RAB7A: variants seen among roughly 807,000 people sequenced by gnomAD.
RAB7A encodes the protein ras-related protein Rab-7a.
RAB7A carries 2 observed loss-of-function variants against 24.5 expected under a neutral mutation model. The ratio of observed to expected loss-of-function variants is 0.08; its 90% CI spans 0.03 to 0.26. The LOEUF (loss-of-function observed/expected upper bound fraction) is 0.26, where lower values mean the gene tolerates loss of function less well. RAB7A is among the 10% of genes least tolerant of loss of function. RAB7A has a pLI of 1.00. For synonymous variants in RAB7A, 100 were observed against 95.9 expected, an observed-to-expected ratio of 1.04 and a Z score of -0.25; for missense variants, 118 against 255.7, an observed-to-expected ratio of 0.46 and a Z score of 3.67.
intron 1 of RAB7A, chr3:128,764,705 A>G (rs994785947): frequency 6.2e-6 from 5 of 808,622 alleles, no homozygotes; most frequent in Non-Finnish European, 1.1e-5. Context: ...TCCAAATGTG[A>G]TGCACACTCC....
chr3:128,814,362 CA>C lies in RAB7A; in HGVS notation c.*942del, dbSNP rs1210332669. On this transcript the variant is annotated 3_prime_UTR_variant, in exon 6 of 6. Transcript: ENST00000265062. Reference sequence around the variant, plus strand: ...GATTTGCATAATACAGTGGTATGTGCAATGGATAAATTGCCGTTATTTCAAA... The same window carrying C: ...GATTTGCATAATACAGTGGTATGTGCATGGATAAATTGCCGTTATTTCAAA... 1 of 152,650 alleles carries C rather than the reference CA, an allele frequency of 6.6e-6. No homozygotes were observed. Among genetic ancestry groups the C allele is most frequent in the Non-Finnish European group, 1.5e-5 (1 of 68,046 alleles). 9.5% of individuals were successfully genotyped at this position (152,650 alleles called of 1,614,324 possible). A position where few individuals can be genotyped will look rare whatever the true frequency, so the allele number is the denominator to read the frequency against.
intron 3 of RAB7A, 177 bp downstream of exon 3, chr3:128,798,246 T>A (rs893014744): frequency 1.4e-6 from 1 of 714,016 alleles, no homozygotes; most frequent in Non-Finnish European, 2.3e-6. Context: ...ACTTTTTTAG[T>A]ATACTTCTAG....
rs200851236 is a variant in RAB7A, at chr3:128,801,013, G to A, written c.180+2944G>A. Among the ~76,000 whole-genome samples, 8 of 152,334 alleles carry A rather than the reference G, an allele frequency of 5.3e-5. No homozygotes were observed. The East Asian group carries it at 1.5e-3, about 29-fold the overall frequency. The stretch of plus-strand genomic sequence containing the variant: ...CTCATGTGTTTTTCGAGGGCTTTTA[G>A]CAGCTTGCAGTAAAACATAATCAAA... On this transcript the variant is annotated intron_variant, in intron 3 of 5. Coordinates refer to ENST00000265062, the MANE Select transcript of RAB7A (RefSeq NM_004637.6).
chr3:128,758,090 A>AT (rs959790797), intron 1 of RAB7A, among the ~76,000 whole-genome samples: 1 of 151,796 alleles, frequency 6.6e-6, no homozygotes, highest in Non-Finnish European at 1.5e-5. Flanking sequence ...GGCTTCGCAA[A>AT]TCACTGGGAT....
chr3:128,810,337 A>G (rs1392844770), intron 5 of RAB7A, among the ~76,000 whole-genome samples: 1 of 151,980 alleles, frequency 6.6e-6, no homozygotes, highest in Non-Finnish European at 1.5e-5. Flanking sequence ...TTTTGATTGG[A>G]ATTTTTTTCT....
intron 1 of RAB7A, among the ~76,000 whole-genome samples, chr3:128,727,215 C>T (rs1342682739): frequency 1.3e-5 from 2 of 152,214 alleles, no homozygotes; most frequent in Non-Finnish European, 2.9e-5. Context: ...GAACAACCCT[C>T]TGAAGTACCA....
intron 1 of RAB7A, among the ~76,000 whole-genome samples, chr3:128,733,964 C>T (rs1200969975): frequency 1.3e-5 from 2 of 152,176 alleles, no homozygotes; most frequent in East Asian, 3.8e-4. Flanking sequence ...AACTTTTTCT[C>T]TCTAATTTTA....
intron 3 of RAB7A, chr3:128,798,941 C>T (rs1168410250): frequency 4.2e-6 from 1 of 240,802 alleles, no homozygotes; most frequent in Admixed American, 4.7e-5. Flanking sequence ...TGAAACCAAA[C>T]TATTGGGATA....
chr3:128,764,239 C>T lies in RAB7A; in HGVS notation c.-8-31121C>T, dbSNP rs189398661. Among the ~76,000 whole-genome samples, 17 of 152,118 alleles carry T rather than the reference C, an allele frequency of 1.1e-4. No individual in the cohort carries two copies. The East Asian group carries it at 1.2e-3, about 10-fold the overall frequency. On this transcript the variant is annotated intron_variant, in intron 1 of 5. Transcript: ENST00000265062. ...GTGATGAGTAGTGCAGTGACAGCCTCGACCACATACCACATTTCTGTCCTG... is the reference window on the plus strand; with the variant it reads ...GTGATGAGTAGTGCAGTGACAGCCTTGACCACATACCACATTTCTGTCCTG...
chr3:128,767,655 G>A (rs1444405177), intron 1 of RAB7A, among the ~76,000 whole-genome samples: 5 of 152,190 alleles, frequency 3.3e-5, no homozygotes, highest in African/African-American at 1.2e-4. Flanking sequence ...GACAGACGGG[G>A]TGAGTGGAAA....
chr3:128,782,463 G>A (rs1476790693), intron 1 of RAB7A, among the ~76,000 whole-genome samples: 1 of 152,020 alleles, frequency 6.6e-6, no homozygotes, highest in Non-Finnish European at 1.5e-5. Context: ...CTTTGATGGT[G>A]CCACATAAGC....
At chr3:128,757,522 CAA>C (rs914292001) in intron 1 of RAB7A, among the ~76,000 whole-genome samples, 27 of 149,434 alleles carry the variant, frequency 1.8e-4, no homozygotes, top group Non-Finnish European at 2.7e-4. Context: ...ATTTTAAAAA[CAA>C]TTTTTTTTTT....
chr3:128,811,855 A>G (rs544731916), intron 5 of RAB7A, among the ~76,000 whole-genome samples: 1 of 152,250 alleles, frequency 6.6e-6, no homozygotes, highest in African/African-American at 2.4e-5. Context: ...CCTCAAAAAA[A>G]AAAAAAGAAA....
At chr3:128,788,405 C>G (rs1933385288) in intron 1 of RAB7A, among the ~76,000 whole-genome samples, 2 of 152,146 alleles carry the variant, frequency 1.3e-5, no homozygotes, top group South Asian at 4.1e-4. Context: ...TGCTGTGACA[C>G]CTCATACTGC....
intron 1 of RAB7A, among the ~76,000 whole-genome samples, chr3:128,754,761 T>C (rs1344278983): frequency 6.6e-6 from 1 of 152,096 alleles, no homozygotes; most frequent in Non-Finnish European, 1.5e-5. Context: ...TACACTAATA[T>C]CAGACAAAAT....
chr3:128,814,534 C>G lies in RAB7A; in HGVS notation c.*1112C>G, dbSNP rs987234425. On this transcript the variant is annotated 3_prime_UTR_variant, in exon 6 of 6. Transcript: ENST00000265062. The stretch of plus-strand genomic sequence containing the variant: ...TTTACCTTTGTTCTAGAAGGCGCTC[C>G]TTTCAGGGTTGTGGTATTCTTAGGT... 6.6e-6 allele frequency: 1 copy of G among 152,622 alleles called. No individual in the cohort carries two copies. Among genetic ancestry groups the G allele is most frequent in the Non-Finnish European group, 1.5e-5 (1 of 68,040 alleles). 9.5% of individuals were successfully genotyped at this position (152,622 alleles called of 1,614,324 possible).
At chr3:128,805,336 A>G (rs1412546964) in intron 3 of RAB7A, among the ~76,000 whole-genome samples, 1 of 152,190 alleles carries the variant, frequency 6.6e-6, no homozygotes, top group East Asian at 1.9e-4. Context: ...CAGTGGAGTC[A>G]TTAGAAATAA....
chr3:128,768,715 C>T (rs1279606285), intron 1 of RAB7A, among the ~76,000 whole-genome samples: 1 of 150,210 alleles, frequency 6.7e-6, no homozygotes, highest in African/African-American at 2.5e-5. Flanking sequence ...CATGCCACCA[C>T]ACCTGGCTAA....
chr3:128,797,631 G>A (rs966766447), intron 2 of RAB7A, among the ~76,000 whole-genome samples: 2 of 152,178 alleles, frequency 1.3e-5, no homozygotes, highest in Non-Finnish European at 1.5e-5. Flanking sequence ...CTTTTAGAAA[G>A]CAGTATATTT....
Sources: allele counts gnomAD v4.1 joint callset (sites outside exome capture counted in the v4.1 genomes callset), GRCh38; gene constraint gnomAD v4.1.1; transcripts MANE v1.5; gene names NCBI Gene and HGNC (gene_info 2026-07-23, HGNC 2026-07-21).